The following RIMS2 variants were observed in gnomAD, a reference collection of about 807,000 sequenced individuals.
RIMS2 encodes regulating synaptic membrane exocytosis protein 2.
A neutral mutation model predicts 174.4 loss-of-function variants in RIMS2; 59 were observed. The ratio of observed to expected loss-of-function variants is 0.34; its 90% confidence interval spans 0.27 to 0.42. The LOEUF (loss-of-function observed/expected upper bound fraction) is 0.42. RIMS2 is among the 10% of genes least tolerant of loss of function. RIMS2 has a pLI of 1.00. For missense variants in RIMS2, 1,620 were observed against 1,666.3 expected, an observed-to-expected ratio of 0.97 and a Z score of 0.48; for synonymous variants, 606 against 572.5, an observed-to-expected ratio of 1.06 and a Z score of -0.84.
chr8:103,651,960 G>C (rs1429564700), intron 1 of RIMS2, among the ~76,000 whole-genome samples: 1 of 152,052 alleles, frequency 6.6e-6, no homozygotes, highest in East Asian at 1.9e-4. Context: ...GAAAACTTCA[G>C]GACCAAATCA....
intron 17 of RIMS2, among the ~76,000 whole-genome samples, chr8:104,001,323 T>C (rs1482650539): frequency 1.3e-5 from 2 of 151,984 alleles, no homozygotes; most frequent in Admixed American, 1.3e-4. Flanking sequence ...TATTATATAT[T>C]TGTATCAAAA....
chr8:104,157,009 A>G (rs2098728665), intron 19 of RIMS2, among the ~76,000 whole-genome samples: 1 of 152,330 alleles, frequency 6.6e-6, no homozygotes, highest in East Asian at 1.9e-4. Flanking sequence ...AGGATATGGC[A>G]TGTTAATGTA....
At chr8:103,840,673 T>C (rs1299123050) in intron 3 of RIMS2, among the ~76,000 whole-genome samples, 2 of 152,038 alleles carry the variant, frequency 1.3e-5, no homozygotes, top group Non-Finnish European at 2.9e-5. Context: ...CTATATACTA[T>C]ATACGATATA....
At chr8:104,249,403 C>T (rs1052400668) in intron 21 of RIMS2, 84 bp from the exon 28 acceptor site, 27 of 625,092 alleles carry the variant, frequency 4.3e-5, no homozygotes, top group Admixed American at 1.5e-4. Context: ...AATGATGAAA[C>T]GATGTTAAAC....
intron 19 of RIMS2, among the ~76,000 whole-genome samples, chr8:104,210,611 T>G (rs549219424): frequency 6.6e-6 from 1 of 152,306 alleles, no homozygotes; most frequent in South Asian, 2.1e-4. Flanking sequence ...GGGACCCTTT[T>G]GGGAGTGCCA....
chr8:103,661,803 C>T (rs984190582), intron 1 of RIMS2, among the ~76,000 whole-genome samples: 1 of 152,180 alleles, frequency 6.6e-6, no homozygotes, highest in Non-Finnish European at 1.5e-5. Flanking sequence ...CTGCATCTAG[C>T]CTAGATGCTG....
intron 19 of RIMS2, among the ~76,000 whole-genome samples, chr8:104,115,398 A>G (rs2098263681): frequency 6.7e-6 from 1 of 149,712 alleles, no homozygotes; most frequent in Non-Finnish European, 1.5e-5. Flanking sequence ...GGAGGGAAGG[A>G]TTTTTTTTTT....
At chr8:104,084,835 T>C (rs1566269382) in intron 19 of RIMS2, among the ~76,000 whole-genome samples, 1 of 152,210 alleles carries the variant, frequency 6.6e-6, no homozygotes, top group South Asian at 2.1e-4. Flanking sequence ...GTCTCCACAA[T>C]GTGAATCTAG....
chr8:103,665,399 A>G (rs2096656498), intron 1 of RIMS2, among the ~76,000 whole-genome samples: 1 of 152,266 alleles, frequency 6.6e-6, no homozygotes, highest in African/African-American at 2.4e-5. Flanking sequence ...CTGATGTTAA[A>G]AAAAGAAATG....
At chr8:103,539,469 G>C (rs1278380863) in intron 1 of RIMS2, among the ~76,000 whole-genome samples, 3 of 152,218 alleles carry the variant, frequency 2.0e-5, no homozygotes, top group Admixed American at 6.5e-5. Flanking sequence ...AGAAAACATG[G>C]AGAATATCCA....
At chr8:103,643,992 A>G (rs1317718017) in intron 1 of RIMS2, among the ~76,000 whole-genome samples, 3 of 152,224 alleles carry the variant, frequency 2.0e-5, no homozygotes, top group African/African-American at 4.8e-5. Context: ...TTGTTAAAAT[A>G]CAGAGCTTCA....
intron 2 of RIMS2, among the ~76,000 whole-genome samples, chr8:103,752,848 G>T (rs1293800155): frequency 8.5e-5 from 13 of 152,058 alleles, no homozygotes; most frequent in Non-Finnish European, 1.6e-4. Flanking sequence ...GACAATGGGG[G>T]TTTTCTATAT....
chr8:104,182,417 A>G (rs1194352343), intron 19 of RIMS2, among the ~76,000 whole-genome samples: 1 of 151,742 alleles, frequency 6.6e-6, no homozygotes, highest in Non-Finnish European at 1.5e-5. Flanking sequence ...AAAATGTACA[A>G]TCCAGTAGTT....
At chr8:104,195,634 C>T (rs1295145823) in intron 19 of RIMS2, among the ~76,000 whole-genome samples, 1 of 151,878 alleles carries the variant, frequency 6.6e-6, no homozygotes, top group Admixed American at 6.6e-5. Context: ...CCCGCCTCAG[C>T]CTTCCAAGTA....
chr8:103,935,526 T>A (rs1348450172), intron 12 of RIMS2, among the ~76,000 whole-genome samples: 2 of 152,200 alleles, frequency 1.3e-5, no homozygotes, highest in African/African-American at 4.8e-5. Flanking sequence ...TTGTTCTCTC[T>A]CCTCCCTGTT....
In RIMS2 at chr8:103,690,690, T is replaced by C. The variant is rs117201404; in HGVS notation, c.177-6396T>C. On this transcript the variant is annotated intron_variant, in intron 1 of 23. Coordinates refer to ENST00000504942, the Ensembl canonical transcript of RIMS2. ...TAAAAAGTTTTTGTAGTTACTATTT[T>C]TGATGCATTCATCTTTTAATCTTTC... Among the ~76,000 whole-genome samples the C allele has an allele frequency of 2.0e-5, 3 of 152,348 alleles. No individual in the cohort carries two copies. The East Asian group carries it at 5.8e-4, about 29-fold the overall frequency.
chr8:103,908,278 T>C (rs868413286), intron 4 of RIMS2, among the ~76,000 whole-genome samples: 13 of 151,630 alleles, frequency 8.6e-5, no homozygotes, highest in African/African-American at 3.1e-4. Flanking sequence ...CTTGACCTCG[T>C]GATCCGTCTG....
At position 103,766,554 on chromosome 8, in the gene RIMS2, A is replaced by C. The variant is rs567400411; in HGVS notation, c.698+17A>C. ...TTCAGACAGGTAAACATTTTGTTTA[A>C]TCTTTAGGCAAATGTATTACTTTTA... is the stretch of plus-strand genomic sequence containing the variant. On this transcript the variant is annotated intron_variant, in intron 3 of 23. Coordinates refer to ENST00000504942, the Ensembl canonical transcript of RIMS2. The C allele has an allele frequency of 1.3e-6, 2 of 1,546,314 alleles. No individual in the cohort carries two copies. Among genetic ancestry groups the C allele is most frequent in the Non-Finnish European group, 1.8e-6 (2 of 1,130,310 alleles).
intron 16 of RIMS2, 71 bp from the exon 19 acceptor site, chr8:103,989,234 T>C: frequency 1.0e-6 from 1 of 960,796 alleles, no homozygotes; most frequent in Non-Finnish European, 1.6e-6. Flanking sequence ...TCTACTGTGC[T>C]TTAAAATAAA....
Sources: gnomAD v4.1 joint callset for allele counts (sites outside exome capture counted in the v4.1 genomes callset) on GRCh38, gnomAD v4.1.1 for gene constraint, MANE v1.5 for transcripts, NCBI Gene and HGNC (gene_info 2026-07-23, HGNC 2026-07-21) for gene names.